ZPBP: variants seen among roughly 807,000 people sequenced by gnomAD.
The protein encoded by ZPBP is zona pellucida-binding protein 1.
ZPBP carries 26 observed loss-of-function variants against 44.8 expected under a neutral mutation model. That is an observed-to-expected ratio of 0.58 (90% CI 0.43 to 0.81). The LOEUF is 0.81. ZPBP is among the 30% of genes least tolerant of loss of function. ZPBP has a pLI of 0.00. For missense variants in ZPBP, 409 were observed against 434.0 expected (o/e 0.94, Z 0.51); for synonymous variants, 174 against 153.2 (o/e 1.14, Z -1.00).
intron 1 of ZPBP, among the ~76,000 whole-genome samples, chr7:50,091,156 G>T (rs146413972): frequency 3.0e-3 from 462 of 151,696 alleles, no homozygotes; most frequent in African/African-American, 0.01. Context: ...CTTTTTGATG[G>T]GACTGTTGGG....
At chr7:50,008,107 A>C (rs1049664711) in intron 6 of ZPBP, among the ~76,000 whole-genome samples, 2 of 152,114 alleles carry the variant, frequency 1.3e-5, no homozygotes, top group Non-Finnish European at 2.9e-5. Context: ...ACATGATCTT[A>C]CATACAGAAA....
intron 2 of ZPBP, among the ~76,000 whole-genome samples, chr7:49,860,015 C>A (rs1790587479): frequency 6.6e-6 from 1 of 151,826 alleles, no homozygotes; most frequent in Admixed American, 6.6e-5. Flanking sequence ...TAATTAGGTA[C>A]TCTTTAAGGG....
At chr7:49,929,319 ATGCT>A (rs1244861077) in intron 1 of ZPBP, among the ~76,000 whole-genome samples, 1 of 152,228 alleles carries the variant, frequency 6.6e-6, no homozygotes, top group African/African-American at 2.4e-5. Context: ...TTTTGTCACC[ATGCT>A]TGATCAGGAT....
At chr7:49,951,688 A>G (rs545717981) in intron 7 of ZPBP, among the ~76,000 whole-genome samples, 3 of 151,862 alleles carry the variant, frequency 2.0e-5, no homozygotes, top group African/African-American at 4.8e-5. Context: ...TAAACACAGA[A>G]TAAGTGGAAA....
chr7:49,996,583 G>A (rs1161456188), intron 6 of ZPBP, among the ~76,000 whole-genome samples: 1 of 152,154 alleles, frequency 6.6e-6, no homozygotes, highest in Non-Finnish European at 1.5e-5. Context: ...ATTTTTGGTT[G>A]TTTACTAGGG....
intron 1 of ZPBP, chr7:49,915,642 C>T (rs868062450): frequency 6.6e-6 from 1 of 151,996 alleles, no homozygotes; most frequent in Non-Finnish European, 1.5e-5. Context: ...TTGTTGGAAA[C>T]TAAATCCATT....
intron 2 of ZPBP, among the ~76,000 whole-genome samples, chr7:49,880,169 T>A: frequency 6.6e-6 from 1 of 152,192 alleles, no homozygotes; most frequent in Non-Finnish European, 1.5e-5. Flanking sequence ...ACTAAGAGTA[T>A]CTGCTAAATT....
intron 2 of ZPBP, among the ~76,000 whole-genome samples, chr7:49,871,406 G>A (rs376657891): frequency 6.6e-6 from 1 of 152,124 alleles, no homozygotes; most frequent in Non-Finnish European, 1.5e-5. Flanking sequence ...AAATTATGGT[G>A]AAAACTCATC....
chr7:49,858,846 C>T (rs1167063106), intron 2 of ZPBP, among the ~76,000 whole-genome samples: 1 of 152,066 alleles, frequency 6.6e-6, no homozygotes, highest in East Asian at 1.9e-4. Context: ...GATGGAATCC[C>T]ATTGTGTAAA....
chr7:50,088,870 G>GAGTT (rs1483582803), intron 2 of ZPBP, among the ~76,000 whole-genome samples: 1 of 138,156 alleles, frequency 7.2e-6, no homozygotes, highest in Non-Finnish European at 1.6e-5. Context: ...ATTAAACATA[G>GAGTT]AGTTACTCAT....
intron 7 of ZPBP, among the ~76,000 whole-genome samples, chr7:49,982,209 A>ATTTATATTG (rs369441808): frequency 0.46 from 38,431 of 82,828 alleles, 10,318 homozygotes; most frequent in East Asian, 0.68. Flanking sequence ...TATTATATAT[A>ATTTATATTG]TATATAATGT....
intron 7 of ZPBP, among the ~76,000 whole-genome samples, chr7:49,966,274 C>T (rs1403433342): frequency 6.6e-6 from 1 of 152,016 alleles, no homozygotes; most frequent in Non-Finnish European, 1.5e-5. Flanking sequence ...ATAAAACTGA[C>T]CTAATCTATA....
At chr7:49,999,101 A>T (rs1797984302) in intron 6 of ZPBP, among the ~76,000 whole-genome samples, 1 of 151,868 alleles carries the variant, frequency 6.6e-6, no homozygotes, top group African/African-American at 2.4e-5. Context: ...AAAACCCAAA[A>T]CACTTCTGGT....
chr7:50,053,492 C>T (rs1800787363), intron 4 of ZPBP, among the ~76,000 whole-genome samples: 1 of 152,164 alleles, frequency 6.6e-6, no homozygotes, highest in Admixed American at 6.5e-5. Context: ...CACTTACAGC[C>T]TTAATTTTCT....
chr7:49,870,570 G>A (rs184147747), intron 2 of ZPBP, among the ~76,000 whole-genome samples: 70 of 152,300 alleles, frequency 4.6e-4, no homozygotes, highest in South Asian at 1.4e-3. Flanking sequence ...TTACACAGCT[G>A]AATACAGGGC....
At chr7:49,851,601 T>C (rs1158297878) in intron 2 of ZPBP, among the ~76,000 whole-genome samples, 2 of 152,216 alleles carry the variant, frequency 1.3e-5, no homozygotes, top group African/African-American at 2.4e-5. Context: ...GGCTCATGCC[T>C]ATAATCCCAG....
intron 5 of ZPBP, among the ~76,000 whole-genome samples, chr7:50,019,459 A>G (rs184401870): frequency 5.6e-4 from 85 of 152,258 alleles, no homozygotes; most frequent in Middle Eastern, 6.8e-3. Context: ...CAGTATTTAC[A>G]TAAGTTGTAC....
intron 3 of ZPBP, among the ~76,000 whole-genome samples, chr7:50,063,691 T>A (rs921920733): frequency 1.3e-5 from 2 of 152,224 alleles, no homozygotes; most frequent in Non-Finnish European, 1.5e-5. Context: ...GTGATTTCCA[T>A]GATAGCTCGG....
At chr7:49,967,493 A>G (rs546666858) in intron 7 of ZPBP, among the ~76,000 whole-genome samples, 2 of 152,248 alleles carry the variant, frequency 1.3e-5, no homozygotes, top group South Asian at 2.1e-4. Context: ...ATATTTAGGT[A>G]AGCTTTTAGA....
Sources: allele counts gnomAD v4.1 joint callset (sites outside exome capture counted in the v4.1 genomes callset), GRCh38; gene constraint gnomAD v4.1.1; transcripts MANE v1.5; gene names NCBI Gene and HGNC (gene_info 2026-07-23, HGNC 2026-07-21).